Variants in TACC2 observed in about 807,000 individuals in gnomAD.
TACC2 encodes transforming acidic coiled-coil containing protein 2, also known as transforming acidic coiled-coil-containing protein 2.
In TACC2, 137 loss-of-function variants were observed where a neutral mutation model predicts 227.3. That is an observed-to-expected ratio of 0.60 (90% CI 0.52 to 0.69). The LOEUF is 0.69. Among genes scored for constraint, TACC2 ranks in the 30% least tolerant of loss-of-function variants. The pLI, the probability that TACC2 is intolerant of heterozygous loss-of-function variation, is 0.00. For synonymous variants in TACC2, 1,523 were observed against 1,487.5 expected, an observed-to-expected ratio of 1.02 and a Z score of -0.55; for missense variants, 3,470 against 3,694.4, an observed-to-expected ratio of 0.94 and a Z score of 1.57.
chr10:122,091,391 T>C (rs2080803501), intron 5 of TACC2, among the ~76,000 whole-genome samples: 1 of 152,230 alleles, frequency 6.6e-6, no homozygotes, highest in Admixed American at 6.5e-5. Flanking sequence ...GTTTTTTCAA[T>C]GTGGCTCCCT....
At chr10:122,022,633 T>A (rs1214939884) in intron 2 of TACC2, 1 of 152,242 alleles carries the variant, frequency 6.6e-6, no homozygotes, top group Non-Finnish European at 1.5e-5. Flanking sequence ...CTAGGTTGTG[T>A]CCACCCATCA....
chr10:122,033,164 A>G, intron 2 of TACC2: 3 of 1,288,842 alleles, frequency 2.3e-6, no homozygotes, highest in South Asian at 1.2e-5. Context: ...GTACTGGGGA[A>G]TGTGCTGTTC....
At chr10:122,111,499 TG>T (rs2138016321) in intron 5 of TACC2, among the ~76,000 whole-genome samples, 1 of 152,186 alleles carries the variant, frequency 6.6e-6, no homozygotes, top group South Asian at 2.1e-4. Flanking sequence ...AAGAACCTTT[TG>T]TTTTTGTTTG....
At chr10:122,045,870 G>A (rs1406479537) in intron 2 of TACC2, among the ~76,000 whole-genome samples, 1 of 152,216 alleles carries the variant, frequency 6.6e-6, no homozygotes, top group South Asian at 2.1e-4. Flanking sequence ...TTGCAGATTA[G>A]CTTTCTATTA....
In TACC2 at chr10:122,082,976, A is replaced by C; in HGVS notation, c.476A>C (p.Asp159Ala). 1.2e-6 allele frequency: 2 copies of C among 1,612,848 alleles called. No homozygotes were observed. Among genetic ancestry groups the C allele is most frequent in the Non-Finnish European group, 1.7e-6 (2 of 1,179,992 alleles). Residue 159 changes from aspartate (D) to alanine (A), a missense_variant, in exon 4 of 23, where the codon GAC becomes GCC. Transcript: ENST00000369005. ...GCGGCGGCATTTCCCGCTGAGAGGG[A>C]CAGCTCTACTCCATACCAAGAGATT... is the stretch of plus-strand genomic sequence containing the variant. ...DIAAAFPAERDSSTPYQEIAA... is the reference protein window; with the variant it reads ...DIAAAFPAERASSTPYQEIAA...
At position 122,153,702 on chromosome 10, in the gene TACC2, T is replaced by G. The variant is rs150223736; in HGVS notation, c.5834+9996T>G. On this transcript the variant is annotated intron_variant, in intron 7 of 22. Coordinates refer to ENST00000369005, the MANE Select transcript of TACC2 (RefSeq NM_206862.4). ...CAGTGCCTCGGGCTTTTTCACATAT[T>G]ATCTCATTTAAACCTTGCACCCTCG... is the stretch of plus-strand genomic sequence containing the variant. 1.6e-4 allele frequency among the ~76,000 whole-genome samples: 24 copies of G among 152,334 alleles called. No homozygotes were observed. The East Asian group carries it at 4.0e-3, about 26-fold the overall frequency.
intron 22 of TACC2, among the ~76,000 whole-genome samples, chr10:122,250,871 TA>T (rs2096241495): frequency 6.6e-6 from 1 of 151,938 alleles, no homozygotes; most frequent in Admixed American, 6.6e-5. Flanking sequence ...TGTTCCTGGT[TA>T]TCCAGAATTT....
intron 1 of TACC2, among the ~76,000 whole-genome samples, chr10:121,992,412 A>G (rs370410139): frequency 4.6e-5 from 7 of 152,370 alleles, no homozygotes; most frequent in Admixed American, 2.0e-4. Flanking sequence ...TCCAACAGGA[A>G]AATTTGACTT....
intron 1 of TACC2, among the ~76,000 whole-genome samples, chr10:122,017,818 C>CAAAAAAAAAAAAAAAAAAAAAAAAAAA (rs5788525): frequency 2.7e-5 from 2 of 74,958 alleles, no homozygotes; most frequent in East Asian, 5.0e-4. Context: ...GAAACTGTCT[C>CAAAAAAAAAAAAAAAAAAAAAAAAAAA]AAAAAAAAAA....
At chr10:122,143,422 T>C in intron 6 of TACC2, 150 bp from the exon 7 acceptor site, 1 of 781,096 alleles carries the variant, frequency 1.3e-6, no homozygotes, top group South Asian at 1.8e-5. Flanking sequence ...AGTGGAGGCC[T>C]GGATGGGGAA....
chr10:122,058,937 T>C (rs1347183886), intron 3 of TACC2, among the ~76,000 whole-genome samples: 2 of 146,564 alleles, frequency 1.4e-5, no homozygotes, highest in Non-Finnish European at 3.0e-5. Context: ...TTGGTGTCCA[T>C]GATGGAGTGC....
rs191000270 is a variant in TACC2 at position 121,998,306 on chromosome 10, C to T, written c.-46+8818C>T. 3.6e-3 allele frequency among the ~76,000 whole-genome samples: 471 copies of T among 132,358 alleles called. 4 individuals carry two copies. The highest frequency in any genetic ancestry group is 0.013 in the African/African-American group (451 of 35,178). The allele number at this position is 132,358 out of a possible 152,430, so 86.8% of individuals were successfully genotyped here. A position where few individuals can be genotyped will look rare whatever the true frequency, so the allele number is the denominator to read the frequency against. ...CAGCCTGGGTGACACAGTGAGACCACGTTCTCAAAAAAAAAAAAAAAAAAA... is the reference window on the plus strand; with the variant it reads ...CAGCCTGGGTGACACAGTGAGACCATGTTCTCAAAAAAAAAAAAAAAAAAA... On this transcript the variant is annotated intron_variant, in intron 1 of 22. Coordinates refer to ENST00000369005, the MANE Select transcript of TACC2 (RefSeq NM_206862.4).
intron 1 of TACC2, 142 bp downstream of exon 1, chr10:121,989,630 C>T (rs1952948619): frequency 2.0e-5 from 3 of 152,244 alleles, no homozygotes; most frequent in Admixed American, 2.0e-4. Flanking sequence ...TGGCTGAGCC[C>T]AGCCAACTCA....
intron 2 of TACC2, among the ~76,000 whole-genome samples, chr10:122,033,632 C>T (rs1353536258): frequency 6.6e-6 from 1 of 152,198 alleles, no homozygotes; most frequent in Admixed American, 6.5e-5. Context: ...CTGAGTTCCG[C>T]TGCTGTGGCT....
At chr10:122,240,736 G>A (rs1311119928) in intron 18 of TACC2, among the ~76,000 whole-genome samples, 1 of 152,158 alleles carries the variant, frequency 6.6e-6, no homozygotes, top group Non-Finnish European at 1.5e-5. Flanking sequence ...GTTCTCTTGT[G>A]GGGAATAATT....
At chr10:122,174,039 T>G (rs983173634) in intron 7 of TACC2, among the ~76,000 whole-genome samples, 4 of 152,174 alleles carry the variant, frequency 2.6e-5, no homozygotes, top group Non-Finnish European at 5.9e-5. Flanking sequence ...CTTTGTGGGA[T>G]GGGACTGTCC....
chr10:122,087,341 G>A lies in TACC2; in HGVS notation c.4841G>A (p.Gly1614Asp), dbSNP rs150804431. The A allele has an allele frequency of 9.6e-5, 155 of 1,614,052 alleles. No homozygotes were observed. In the East Asian group the frequency reaches 3.4e-3, roughly 36 times the overall value. Residue 1614 changes from glycine (G) to aspartate (D), a missense_variant, in exon 4 of 23, where the codon GGT becomes GAT. Gly to Asp is a moderately conservative substitution (Grantham distance 94). This residue lies in a region of TACC2 where 1,924 missense variants were observed against 1,978.3 expected (regional missense o/e 0.97). Transcript: ENST00000369005. ...SACDSPHGEDGPGDFAHTGVP... is the reference protein window; with the variant it reads ...SACDSPHGEDDPGDFAHTGVP... The stretch of plus-strand genomic sequence containing the variant: ...TGCGACAGTCCACATGGAGAAGATG[G>A]TCCCGGGGACTTTGCTCACACAGGG...
intron 7 of TACC2, among the ~76,000 whole-genome samples, chr10:122,164,895 A>G (rs1341616871): frequency 6.6e-6 from 1 of 152,130 alleles, no homozygotes; most frequent in Non-Finnish European, 1.5e-5. Flanking sequence ...ATGGATGTGT[A>G]GATTAAAAGA....
chr10:122,061,645 C>G (rs978462631), intron 3 of TACC2, among the ~76,000 whole-genome samples: 22 of 152,154 alleles, frequency 1.4e-4, no homozygotes, highest in Admixed American at 1.1e-3. Flanking sequence ...GGGTCGGTGT[C>G]TTAGTCCATT....
Sources: gnomAD v4.1 joint callset for allele counts (sites outside exome capture counted in the v4.1 genomes callset) on GRCh38, gnomAD v4.1.1 for gene constraint, gnomAD v4.1.1 regional missense constraint, MANE v1.5 for transcripts, NCBI Gene and HGNC (gene_info 2026-07-23, HGNC 2026-07-21) for gene names.